The following RASA3 variants were observed in gnomAD, a reference collection of about 807,000 sequenced individuals.
RASA3 encodes RAS p21 protein activator 3.
RASA3 carries 73 observed loss-of-function variants against 110.0 expected under a neutral mutation model. That is an observed-to-expected ratio of 0.66 (90% confidence interval 0.55 to 0.81). RASA3 has a LOEUF of 0.81. Ranked by LOEUF, RASA3 falls within the 30% of genes least tolerant of loss-of-function variation. The pLI is 0.00. For missense variants in RASA3, 976 were observed against 1,113.2 expected, an observed-to-expected ratio of 0.88 and a Z score of 1.75; for synonymous variants, 500 against 451.4, an observed-to-expected ratio of 1.11 and a Z score of -1.37.
intron 5 of RASA3, among the ~76,000 whole-genome samples, chr13:114,028,208 C>T (rs78236742): frequency 0.19 from 14,614 of 77,988 alleles, 1,447 homozygotes; most frequent in Middle Eastern, 0.33. Context: ...ATCGGGGGGG[C>T]GGGGGGCAGG....
chr13:114,031,128 C>T (rs1012177050), intron 4 of RASA3, among the ~76,000 whole-genome samples: 13 of 146,204 alleles, frequency 8.9e-5, no homozygotes, highest in Non-Finnish European at 1.6e-4. Flanking sequence ...TATGTGTCCA[C>T]CTGTGTGCAT....
Position 114,112,273 on chromosome 13 carries a change from C to T in RASA3, c.55+20162G>A, listed in dbSNP as rs1439672082. 2.0e-5 allele frequency among the ~76,000 whole-genome samples: 3 copies of T among 152,210 alleles called. No individual in the cohort carries two copies. Among genetic ancestry groups the T allele is most frequent in the East Asian group, 1.9e-4 (1 of 5,186 alleles). ...GGGCCAGGCCAGCTCCAGGCAGCCCCGCATCTGCTCAGCAATCCCCGGAGT... is the reference window on the plus strand; with the variant it reads ...GGGCCAGGCCAGCTCCAGGCAGCCCTGCATCTGCTCAGCAATCCCCGGAGT... On this transcript the variant is annotated intron_variant, in intron 1 of 23. Transcript: ENST00000334062. The surrounding 1 kb of genome is among the most constrained non-coding windows in gnomAD (Gnocchi z 4.8).
At chr13:114,122,982 G>C (rs777919052) in intron 1 of RASA3, among the ~76,000 whole-genome samples, 8 of 152,224 alleles carry the variant, frequency 5.3e-5, no homozygotes, top group Non-Finnish European at 1.0e-4. Flanking sequence ...AGCCACAAAA[G>C]CGCCTGGGCT....
intron 1 of RASA3, among the ~76,000 whole-genome samples, chr13:114,097,091 C>T (rs1336961246): frequency 6.6e-6 from 1 of 152,162 alleles, no homozygotes; most frequent in African/African-American, 2.4e-5. Flanking sequence ...CCCCTTCCAC[C>T]AGGCACAGCA....
intron 2 of RASA3, among the ~76,000 whole-genome samples, chr13:114,068,139 C>A (rs894422539): frequency 6.6e-6 from 1 of 152,238 alleles, no homozygotes; most frequent in Non-Finnish European, 1.5e-5. Flanking sequence ...CAGTTTCTTC[C>A]TGTTGTGGCC....
Position 114,057,208 on chromosome 13 carries a change from TTAAAG to T in RASA3, c.174-5058_174-5054del, listed in dbSNP as rs747883025. 1.0e-5 allele frequency: 10 copies of T among 984,990 alleles called. No individual in the cohort carries two copies. In the Admixed American group the frequency reaches 3.1e-4, roughly 30 times the overall value. The allele number at this position is 984,990 out of a possible 1,614,324, so 61.0% of individuals were successfully genotyped here. A position where few individuals can be genotyped will look rare whatever the true frequency, so the allele number is the denominator to read the frequency against. ...TCTTATTTCATATAACTTTTTAAACTTAAAGTAATAAAGTTATTACTAACTTTGTT... is the reference window on the plus strand; with the variant it reads ...TCTTATTTCATATAACTTTTTAAACTTAATAAAGTTATTACTAACTTTGTT... On this transcript the variant is annotated intron_variant, in intron 2 of 23. Coordinates refer to ENST00000334062, the MANE Select transcript of RASA3 (RefSeq NM_007368.4). This position sits in a 1 kb window ranked among gnomAD's most constrained non-coding sequence, Gnocchi z 5.0.
rs773561593 is a variant in RASA3, at chr13:114,016,163, G to A, written c.1281+34C>T. 22 of 1,526,746 alleles carry A rather than the reference G, an allele frequency of 1.4e-5. 1 individual carries two copies. The East Asian group carries it at 5.0e-4, about 34-fold the overall frequency. The allele number at this position is 1,526,746 out of a possible 1,614,324, so 94.6% of individuals were successfully genotyped here. ...ATCGGCTGAAAAACCCCAAGCAGGTGACTGGCTTTGGTTGGTTCATGAACA... is the reference window on the plus strand; with the variant it reads ...ATCGGCTGAAAAACCCCAAGCAGGTAACTGGCTTTGGTTGGTTCATGAACA... On this transcript the variant is annotated intron_variant, in intron 13 of 23. Coordinates refer to ENST00000334062, the MANE Select transcript of RASA3 (RefSeq NM_007368.4).
chr13:114,092,630 A>G (rs1036553522), intron 1 of RASA3, among the ~76,000 whole-genome samples: 4 of 152,156 alleles, frequency 2.6e-5, no homozygotes, highest in African/African-American at 9.7e-5. Context: ...AATAATGTGT[A>G]TTCTGCAGCT....
chr13:113,998,683 T>C (rs1308142844), intron 20 of RASA3, among the ~76,000 whole-genome samples: 1 of 152,130 alleles, frequency 6.6e-6, no homozygotes. Flanking sequence ...CCGCCAGAAA[T>C]GCATCATCAG....
chr13:114,072,259 G>A (rs1197553288), intron 2 of RASA3, among the ~76,000 whole-genome samples: 2 of 152,188 alleles, frequency 1.3e-5, no homozygotes, highest in African/African-American at 4.8e-5. Flanking sequence ...GTGGTCCTCC[G>A]AGTACGGCCT....
intron 1 of RASA3, among the ~76,000 whole-genome samples, chr13:114,125,464 CG>C (rs934906758): frequency 1.3e-5 from 2 of 151,922 alleles, no homozygotes; most frequent in Non-Finnish European, 2.9e-5. Context: ...GGTGTGCCAC[CG>C]GATCTCACGA....
At chr13:114,054,231 G>A (rs1371133072) in intron 2 of RASA3, among the ~76,000 whole-genome samples, 1 of 152,152 alleles carries the variant, frequency 6.6e-6, no homozygotes, top group African/African-American at 2.4e-5. Flanking sequence ...AATATATAAA[G>A]AACTCTTATG....
rs911562728 is a variant in RASA3, at chr13:114,115,567, C to G, written c.55+16868G>C. Among the ~76,000 whole-genome samples the G allele has an allele frequency of 2.0e-5, 3 of 152,184 alleles. No homozygotes were observed. The highest frequency in any genetic ancestry group is 4.4e-5 in the Non-Finnish European group (3 of 68,040). On this transcript the variant is annotated intron_variant, in intron 1 of 23. Coordinates refer to ENST00000334062, the MANE Select transcript of RASA3 (RefSeq NM_007368.4). The surrounding 1 kb of genome is among the most constrained non-coding windows in gnomAD (Gnocchi z 5.0). ...GCCGTCGGAGGCAGAGTGCAGGCCT[C>G]GAAGCAGCTGGTCATGTCCACGCCC...
intron 4 of RASA3, among the ~76,000 whole-genome samples, chr13:114,037,264 A>C (rs2054296026): frequency 6.6e-6 from 1 of 152,198 alleles, no homozygotes; most frequent in Non-Finnish European, 1.5e-5. Context: ...AGTTGCACCG[A>C]CTGTCACAAC....
Position 114,011,637 on chromosome 13 carries a change from T to C in RASA3, c.1513-389A>G, listed in dbSNP as rs1303692744. Among the ~76,000 whole-genome samples, 1 of 152,024 alleles carries C rather than the reference T, an allele frequency of 6.6e-6. No homozygotes were observed. The highest frequency in any genetic ancestry group is 1.5e-5 in the Non-Finnish European group (1 of 67,974). On this transcript the variant is annotated intron_variant, in intron 15 of 23. Transcript: ENST00000334062. The surrounding 1 kb of genome is among the most constrained non-coding windows in gnomAD (Gnocchi z 4.8). Reference sequence around the variant, plus strand: ...GTTTGAAGGTTCAACTCAGAAGTGCTGGGGGCCGGGCTTGGTGGCTCACGC... The same window carrying C: ...GTTTGAAGGTTCAACTCAGAAGTGCCGGGGGCCGGGCTTGGTGGCTCACGC...
At chr13:114,068,108 C>A (rs1273536890) in intron 2 of RASA3, among the ~76,000 whole-genome samples, 2 of 152,214 alleles carry the variant, frequency 1.3e-5, no homozygotes, top group African/African-American at 4.8e-5. Flanking sequence ...GTGGAGGGGG[C>A]ACAGAAACCA....
chr13:114,056,740 G>T lies in RASA3; in HGVS notation c.174-4585C>A. 1 of 895,008 alleles carries T rather than the reference G, an allele frequency of 1.1e-6. No homozygotes were observed. The highest frequency in any genetic ancestry group is 1.3e-6 in the Non-Finnish European group (1 of 747,340). 55.4% of individuals were successfully genotyped at this position (895,008 alleles called of 1,614,324 possible). ...TAAAAAGAGATAAAAATAGCAGAAA[G>T]AGGAAGCTACAAGAAAACATACGAA... is the stretch of plus-strand genomic sequence containing the variant. On this transcript the variant is annotated intron_variant, in intron 2 of 23. Coordinates refer to ENST00000334062, the MANE Select transcript of RASA3 (RefSeq NM_007368.4). The surrounding 1 kb of genome is among the most constrained non-coding windows in gnomAD (Gnocchi z 5.7).
At chr13:114,103,505 G>A (rs916764056) in intron 1 of RASA3, among the ~76,000 whole-genome samples, 1 of 151,658 alleles carries the variant, frequency 6.6e-6, no homozygotes, top group Non-Finnish European at 1.5e-5. Flanking sequence ...CCCGAGTCTC[G>A]GCTCAGCACC....
intron 4 of RASA3, among the ~76,000 whole-genome samples, chr13:114,032,135 T>C (rs2054181320): frequency 1.3e-5 from 2 of 152,156 alleles, no homozygotes; most frequent in African/African-American, 2.4e-5. Context: ...CATATGTCCC[T>C]AAATTGTTTT....
Sources: gnomAD v4.1 joint callset for allele counts (sites outside exome capture counted in the v4.1 genomes callset) on GRCh38, gnomAD v4.1.1 for gene constraint, Gnocchi (gnomAD v3.1) non-coding constraint, MANE v1.5 for transcripts, NCBI Gene and HGNC (gene_info 2026-07-23, HGNC 2026-07-21) for gene names.